SLC2A13: variants seen among roughly 807,000 people sequenced by gnomAD.
SLC2A13 encodes the protein solute carrier family 2 member 13.
Under a neutral mutation model 64.4 loss-of-function variants are expected in SLC2A13, and 32 were observed. That is an observed-to-expected ratio of 0.50 (90% CI 0.37 to 0.67). SLC2A13 has a LOEUF of 0.67. SLC2A13 is among the 30% of genes least tolerant of loss of function. SLC2A13 has a pLI of 0.00. For missense variants in SLC2A13, 743 were observed against 829.2 expected (o/e 0.90, Z 1.28); for synonymous variants, 338 against 327.1 (o/e 1.03, Z -0.36).
At chr12:39,920,204 T>C (rs1312206215) in intron 4 of SLC2A13, among the ~76,000 whole-genome samples, 1 of 152,152 alleles carries the variant, frequency 6.6e-6, no homozygotes, top group Non-Finnish European at 1.5e-5. Context: ...TGTGTGCATG[T>C]ATTTTTTAAC....
intron 7 of SLC2A13, among the ~76,000 whole-genome samples, chr12:39,773,673 C>T (rs909266633): frequency 1.3e-5 from 2 of 152,160 alleles, no homozygotes; most frequent in African/African-American, 2.4e-5. Flanking sequence ...GTCTATATTG[C>T]CCCTTTATTC....
intron 4 of SLC2A13, among the ~76,000 whole-genome samples, chr12:39,893,803 T>G (rs1272254535): frequency 6.6e-6 from 1 of 152,258 alleles, no homozygotes; most frequent in African/African-American, 2.4e-5. Flanking sequence ...CAATTTACTT[T>G]AAGCCCACAA....
At chr12:39,835,510 G>A (rs73101298) in intron 6 of SLC2A13, among the ~76,000 whole-genome samples, 6,675 of 152,102 alleles carry the variant, frequency 0.044, 449 homozygotes, top group African/African-American at 0.15. Flanking sequence ...AAGGAATTGC[G>A]GAATGAATTA....
chr12:39,899,019 T>C (rs1055611395), intron 4 of SLC2A13, among the ~76,000 whole-genome samples: 3 of 152,120 alleles, frequency 2.0e-5, no homozygotes, highest in Non-Finnish European at 4.4e-5. Context: ...GAGGATTCCC[T>C]CTTTTTCTAT....
At chr12:40,035,282 G>A (rs1947963853) in intron 2 of SLC2A13, among the ~76,000 whole-genome samples, 1 of 152,172 alleles carries the variant, frequency 6.6e-6, no homozygotes, top group South Asian at 2.1e-4. Flanking sequence ...TATGATTTAT[G>A]TAATATGTTT....
chr12:39,853,075 G>GT (rs1311927726), intron 6 of SLC2A13, among the ~76,000 whole-genome samples: 1 of 152,064 alleles, frequency 6.6e-6, no homozygotes, highest in African/African-American at 2.4e-5. Flanking sequence ...TGCTTTGTTT[G>GT]TATGTTTTGT....
At chr12:39,764,061 G>A (rs568718022) in intron 9 of SLC2A13, among the ~76,000 whole-genome samples, 6 of 152,180 alleles carry the variant, frequency 3.9e-5, no homozygotes, top group African/African-American at 9.6e-5. Context: ...TGGACTGGAC[G>A]CTATGCCTGT....
At chr12:39,799,040 A>T (rs1305513077) in intron 7 of SLC2A13, among the ~76,000 whole-genome samples, 1 of 149,050 alleles carries the variant, frequency 6.7e-6, no homozygotes, top group East Asian at 2.0e-4. Flanking sequence ...CAGATAATAC[A>T]GCCACCTGAA....
At chr12:39,909,657 T>C (rs1425784353) in intron 4 of SLC2A13, among the ~76,000 whole-genome samples, 1 of 152,122 alleles carries the variant, frequency 6.6e-6, no homozygotes, top group African/African-American at 2.4e-5. Flanking sequence ...TGTGAAGTCA[T>C]GGTAGTCAAG....
chr12:39,992,925 T>C (rs963296313), intron 3 of SLC2A13, among the ~76,000 whole-genome samples: 4 of 152,196 alleles, frequency 2.6e-5, no homozygotes, highest in Non-Finnish European at 5.9e-5. Context: ...TTAACCAAAA[T>C]AAAATCTATC....
intron 3 of SLC2A13, among the ~76,000 whole-genome samples, chr12:39,998,834 T>C (rs986526643): frequency 6.6e-6 from 1 of 152,158 alleles, no homozygotes; most frequent in Non-Finnish European, 1.5e-5. Context: ...AGGGGCAGAA[T>C]GATATGGCTT....
At chr12:39,981,379 A>T (rs1301911369) in intron 3 of SLC2A13, among the ~76,000 whole-genome samples, 1 of 152,136 alleles carries the variant, frequency 6.6e-6, no homozygotes. Context: ...AAATCAATGA[A>T]TCCAGGAGCT....
chr12:39,951,081 G>C, intron 4 of SLC2A13, 176 bp downstream of exon 4: 1 of 503,990 alleles, frequency 2.0e-6, no homozygotes, highest in East Asian at 3.3e-5. Flanking sequence ...CCTTTATCTA[G>C]TAACAAATTA....
chr12:40,019,359 ATTT>A (rs11324751), intron 3 of SLC2A13, among the ~76,000 whole-genome samples: 2 of 151,032 alleles, frequency 1.3e-5, no homozygotes, highest in African/African-American at 2.4e-5. Context: ...ACAATGCCTA[ATTT>A]TTTTTTTTTT....
chr12:39,828,294 G>T (rs1942748540), intron 7 of SLC2A13, among the ~76,000 whole-genome samples: 1 of 151,928 alleles, frequency 6.6e-6, no homozygotes, highest in Non-Finnish European at 1.5e-5. Context: ...TGAGACTATT[G>T]TAAGGATATG....
chr12:40,073,844 TG>T (rs1354519323), intron 1 of SLC2A13, among the ~76,000 whole-genome samples: 1 of 152,100 alleles, frequency 6.6e-6, no homozygotes. Flanking sequence ...AGTTTAAAAA[TG>T]ACATGCCTTC....
chr12:39,796,997 T>C (rs1360947819), intron 7 of SLC2A13, among the ~76,000 whole-genome samples: 1 of 152,210 alleles, frequency 6.6e-6, no homozygotes, highest in Non-Finnish European at 1.5e-5. Flanking sequence ...ATGTTCGACA[T>C]CAGTGTAAAA....
intron 3 of SLC2A13, among the ~76,000 whole-genome samples, chr12:39,970,818 A>C (rs1022632480): frequency 6.6e-6 from 1 of 152,194 alleles, no homozygotes; most frequent in African/African-American, 2.4e-5. Flanking sequence ...CACCATTCAC[A>C]TTGGGTATGC....
intron 2 of SLC2A13, among the ~76,000 whole-genome samples, chr12:40,030,720 T>A (rs1206933021): frequency 1.3e-5 from 2 of 151,770 alleles, no homozygotes; most frequent in East Asian, 1.9e-4. Context: ...AGTTTTTTTT[T>A]AAACAGAAAA....
Sources: gnomAD v4.1 joint callset for allele counts (sites outside exome capture counted in the v4.1 genomes callset) on GRCh38, gnomAD v4.1.1 for gene constraint, MANE v1.5 for transcripts, NCBI Gene and HGNC (gene_info 2026-07-23, HGNC 2026-07-21) for gene names.